SLC25A48: variants seen among roughly 807,000 people sequenced by gnomAD.
SLC25A48 encodes the protein solute carrier family 25 member 48.
SLC25A48 carries 29 observed loss-of-function variants against 32.2 expected under a neutral mutation model. The observed-to-expected ratio is 0.90, with a 90% CI of 0.67 to 1.23. The LOEUF is 1.23. Ranked by LOEUF, SLC25A48 falls within the 50% of genes most tolerant of loss-of-function variation. The pLI, the probability that SLC25A48 is intolerant of heterozygous loss-of-function variation, is 0.00. For synonymous variants in SLC25A48, 164 were observed against 172.3 expected (o/e 0.95, Z 0.38); for missense variants, 399 against 422.7 (o/e 0.94, Z 0.49).
At chr5:135,600,026 C>T (rs1751756614) in intron 1 of SLC25A48, among the ~76,000 whole-genome samples, 1 of 152,160 alleles carries the variant, frequency 6.6e-6, no homozygotes, top group South Asian at 2.1e-4. Flanking sequence ...CCTTGGCCAA[C>T]CCCCTTGGGG....
chr5:135,632,346 A>C (rs1752595684), intron 2 of SLC25A48, among the ~76,000 whole-genome samples: 1 of 152,188 alleles, frequency 6.6e-6, no homozygotes, highest in South Asian at 2.1e-4. Flanking sequence ...GCGACCTATT[A>C]GGAGGTAGAT....
chr5:135,639,623 A>G (rs1413370984), intron 3 of SLC25A48, among the ~76,000 whole-genome samples: 1 of 152,170 alleles, frequency 6.6e-6, no homozygotes, highest in Non-Finnish European at 1.5e-5. Flanking sequence ...AATGGAGAGA[A>G]CTCAATAAGC....
rs74943978 is a variant in SLC25A48 at position 135,671,237 on chromosome 5, C to A, written c.-521+36281C>A. 5.3e-5 allele frequency among the ~76,000 whole-genome samples: 8 copies of A among 152,322 alleles called. No individual in the cohort carries two copies. The East Asian group carries it at 1.5e-3, about 29-fold the overall frequency. ...CTCAAGCTTGCAATTCACAGGTGTG[C>A]CCATACAAGCCCAGACCTGGAGCTG... On this transcript the variant is annotated intron_variant, in intron 3 of 10. Transcript: ENST00000646290.
intron 3 of SLC25A48, among the ~76,000 whole-genome samples, chr5:135,745,745 C>G (rs548998276): frequency 6.6e-6 from 1 of 152,300 alleles, no homozygotes; most frequent in Admixed American, 6.5e-5. Flanking sequence ...GTGACCATGC[C>G]TGATCCCCAG....
chr5:135,754,612 CTG>C (rs1209389783), intron 3 of SLC25A48, among the ~76,000 whole-genome samples: 7 of 151,836 alleles, frequency 4.6e-5, no homozygotes, highest in Non-Finnish European at 1.5e-5. Context: ...TGTGTACACA[CTG>C]TGATTTCAAT....
intron 3 of SLC25A48, among the ~76,000 whole-genome samples, chr5:135,717,129 T>A (rs913230899): frequency 3.3e-5 from 5 of 152,196 alleles, no homozygotes; most frequent in African/African-American, 1.2e-4. Flanking sequence ...TTCGGGCAGA[T>A]GTCGCTAGCA....
intron 3 of SLC25A48, among the ~76,000 whole-genome samples, chr5:135,690,073 G>A (rs1013951371): frequency 1.3e-5 from 2 of 152,000 alleles, no homozygotes; most frequent in African/African-American, 4.8e-5. Context: ...TTGGGGCTGG[G>A]GGGTTTCCTA....
chr5:135,682,269 T>C (rs534406470), intron 3 of SLC25A48, among the ~76,000 whole-genome samples: 17 of 152,324 alleles, frequency 1.1e-4, no homozygotes, highest in Middle Eastern at 3.4e-3. Flanking sequence ...GTCTGATGTC[T>C]GAAAACTGTG....
intron 3 of SLC25A48, among the ~76,000 whole-genome samples, chr5:135,767,930 A>G (rs1317737851): frequency 1.4e-5 from 2 of 138,204 alleles, no homozygotes; most frequent in African/African-American, 5.9e-5. Context: ...GGGTGTACAC[A>G]CCCCTGTGAT....
intron 3 of SLC25A48, among the ~76,000 whole-genome samples, chr5:135,717,221 T>A (rs1332429492): frequency 6.6e-6 from 1 of 152,214 alleles, no homozygotes; most frequent in Non-Finnish European, 1.5e-5. Context: ...ACTCGTCTCC[T>A]GCAGGTCCTG....
At chr5:135,770,662 T>C (rs12189128) in intron 3 of SLC25A48, among the ~76,000 whole-genome samples, 107,768 of 151,448 alleles carry the variant, frequency 0.71, 39,614 homozygotes, top group Middle Eastern at 0.83. Flanking sequence ...GTACACCCCC[T>C]CGCGATATTG....
chr5:135,701,496 T>C (rs776589870), intron 3 of SLC25A48, among the ~76,000 whole-genome samples: 2 of 152,046 alleles, frequency 1.3e-5, no homozygotes, highest in Non-Finnish European at 2.9e-5. Context: ...CCACCACATA[T>C]ACACCCTGAA....
At chr5:135,757,413 TATG>T (rs1248277484) in intron 3 of SLC25A48, among the ~76,000 whole-genome samples, 10 of 149,398 alleles carry the variant, frequency 6.7e-5, no homozygotes, top group Admixed American at 4.7e-4. Flanking sequence ...GTTAACACAC[TATG>T]ATATTGATAA....
intron 3 of SLC25A48, among the ~76,000 whole-genome samples, chr5:135,662,199 A>T (rs1367435125): frequency 6.6e-6 from 1 of 152,158 alleles, no homozygotes; most frequent in Admixed American, 6.5e-5. Context: ...ATGGTGGAGC[A>T]TCTCTTCTGA....
In SLC25A48 at chr5:135,871,650, A is replaced by T; in HGVS notation, c.611A>T (p.Glu204Val). The change falls in exon 5 of 8, where the codon GAG (glutamate) becomes GTG (valine). Residue 204 changes from glutamate to valine, a missense_variant. Coordinates refer to ENST00000681962, the MANE Select transcript of SLC25A48 (RefSeq NM_001349336.2). ...LYFIPYVFLSEWITPEACTGP... is the reference protein window; with the variant it reads ...LYFIPYVFLSVWITPEACTGP... ...TTCATCCCCTACGTGTTCCTGAGTG[A>T]GTGGATCACACCTGAGGCCTGCACA... The T allele has an allele frequency of 6.2e-7, 1 of 1,614,126 alleles. No individual in the cohort carries two copies. Among genetic ancestry groups the T allele is most frequent in the Non-Finnish European group, 8.5e-7 (1 of 1,180,004 alleles).
chr5:135,688,238 CAT>C (rs1240004930), intron 3 of SLC25A48, among the ~76,000 whole-genome samples: 1 of 152,168 alleles, frequency 6.6e-6, no homozygotes, highest in African/African-American at 2.4e-5. Context: ...AATATTCCGT[CAT>C]ATGTCTATAT....
At chr5:135,602,335 CTT>C (rs1751817423) in intron 1 of SLC25A48, among the ~76,000 whole-genome samples, 1 of 152,206 alleles carries the variant, frequency 6.6e-6, no homozygotes, top group African/African-American at 2.4e-5. Context: ...TTCAGTGAGA[CTT>C]TGCCACAGGT....
chr5:135,638,024 G>T (rs571798982), intron 3 of SLC25A48, among the ~76,000 whole-genome samples: 8 of 152,146 alleles, frequency 5.3e-5, no homozygotes, highest in Non-Finnish European at 1.0e-4. Flanking sequence ...TAAGGGCATT[G>T]TGCAGTTACT....
At chr5:135,644,574 T>G (rs867497576) in intron 3 of SLC25A48, among the ~76,000 whole-genome samples, 26 of 152,118 alleles carry the variant, frequency 1.7e-4, no homozygotes, top group African/African-American at 6.0e-4. Flanking sequence ...TTATCATTAG[T>G]CTTCATCATA....
Sources: allele counts gnomAD v4.1 joint callset (sites outside exome capture counted in the v4.1 genomes callset), GRCh38; gene constraint gnomAD v4.1.1; transcripts MANE v1.5; gene names NCBI Gene and HGNC (gene_info 2026-07-23, HGNC 2026-07-21).